Variants in ATP8B1 observed in about 807,000 individuals in gnomAD.
ATP8B1 encodes ATPase phospholipid transporting 8B1, also known as phospholipid-transporting ATPase IC.
A neutral mutation model predicts 149.9 loss-of-function variants in ATP8B1; 80 were observed. That is an observed-to-expected ratio of 0.53 (90% confidence interval 0.45 to 0.64). The LOEUF (loss-of-function observed/expected upper bound fraction) is 0.64. Among genes scored for constraint, ATP8B1 ranks in the 30% least tolerant of loss-of-function variants. The probability of loss-of-function intolerance (pLI) is 0.00; values close to 1 mark genes in which losing one functional copy is unlikely to be tolerated. For synonymous variants in ATP8B1, 536 were observed against 562.8 expected (o/e 0.95, Z 0.67); for missense variants, 1,247 against 1,552.6 (o/e 0.80, Z 3.31).
At chr18:57,744,933 T>C (rs1303097760) in intron 1 of ATP8B1, among the ~76,000 whole-genome samples, 1 of 152,120 alleles carries the variant, frequency 6.6e-6, no homozygotes, top group Non-Finnish European at 1.5e-5. Flanking sequence ...CTTATTTGAA[T>C]GAAAAGGCAG....
At chr18:57,677,236 C>T (rs1432628006) in intron 15 of ATP8B1, among the ~76,000 whole-genome samples, 1 of 152,136 alleles carries the variant, frequency 6.6e-6, no homozygotes, top group African/African-American at 2.4e-5. Flanking sequence ...TCTGGGTGCT[C>T]ATTACAAGAG....
rs975792386 is a variant in ATP8B1, at chr18:57,727,090, TAAAC to T, written c.181+4533_181+4536del. Among the ~76,000 whole-genome samples the T allele has an allele frequency of 4.6e-5, 7 of 151,884 alleles. No homozygotes were observed. In the East Asian group the frequency reaches 5.8e-4, roughly 13 times the overall value. ...AGCGAGATTCTGTCAAATAAATAAA[TAAAC>T]AAATAAATAAAAAGAATAAAATAAA... On this transcript the variant is annotated intron_variant, in intron 2 of 27. Coordinates refer to ENST00000648908, the MANE Select transcript of ATP8B1 (RefSeq NM_001374385.1).
chr18:57,650,013 A>G (rs1387144484), intron 27 of ATP8B1, among the ~76,000 whole-genome samples: 1 of 152,190 alleles, frequency 6.6e-6, no homozygotes, highest in Non-Finnish European at 1.5e-5. Context: ...CTTGTAGCTC[A>G]AAGGATCCTG....
chr18:57,684,943 G>A, intron 14 of ATP8B1, 129 bp downstream of exon 14: 2 of 1,194,808 alleles, frequency 1.7e-6, no homozygotes, highest in Non-Finnish European at 2.5e-6. Flanking sequence ...ACCAAGGACT[G>A]TGGGCAACCA....
intron 1 of ATP8B1, among the ~76,000 whole-genome samples, chr18:57,768,434 A>G (rs1309008377): frequency 1.3e-5 from 2 of 151,164 alleles, no homozygotes; most frequent in African/African-American, 4.8e-5. Context: ...AAGAAAAAAA[A>G]GAATTTTCTT....
At chr18:57,776,461 C>T (rs1471506691) in intron 1 of ATP8B1, among the ~76,000 whole-genome samples, 5 of 152,124 alleles carry the variant, frequency 3.3e-5, no homozygotes, top group East Asian at 1.9e-4. Context: ...AGACAAGTGA[C>T]GGAGGTCTCA....
chr18:57,727,513 G>A (rs1376406933), intron 2 of ATP8B1, among the ~76,000 whole-genome samples: 2 of 152,126 alleles, frequency 1.3e-5, no homozygotes, highest in African/African-American at 2.4e-5. Context: ...CTTTAAGGCC[G>A]GGTGTGGTAG....
chr18:57,751,463 A>AG (rs1419300477), intron 1 of ATP8B1, among the ~76,000 whole-genome samples: 1 of 151,950 alleles, frequency 6.6e-6, no homozygotes, highest in East Asian at 1.9e-4. Flanking sequence ...TGAAAAAAAA[A>AG]AAAAGGGAAT....
At chr18:57,756,226 C>CACATATATAT (rs2080078604) in intron 1 of ATP8B1, among the ~76,000 whole-genome samples, 2 of 112,676 alleles carry the variant, frequency 1.8e-5, no homozygotes, top group Admixed American at 1.8e-4. Context: ...CACACACACA[C>CACATATATAT]ACACACACAC....
Position 57,731,761 on chromosome 18 carries a change from T to C in ATP8B1, c.47A>G (p.Gln16Arg). 1.2e-6 allele frequency: 2 copies of C among 1,614,112 alleles called. No homozygotes were observed. Among genetic ancestry groups the C allele is most frequent in the Non-Finnish European group, 1.7e-6 (2 of 1,179,998 alleles). Residue 16 changes from glutamine (Q) to arginine (R), a missense_variant, in exon 2 of 28, where the codon CAG becomes CGG. Physicochemically the swap from Gln to Arg is conservative, Grantham distance 43. This residue lies in a region of ATP8B1 where 853 missense variants were observed against 1,035.7 expected (regional missense o/e 0.82). Coordinates refer to ENST00000648908, the MANE Select transcript of ATP8B1 (RefSeq NM_001374385.1). ...DSETTFDEDS[Q>R]PNDEVVPYSD... The stretch of plus-strand genomic sequence containing the variant: ...GTAGGGAACCACTTCGTCATTAGGC[T>C]GAGAATCCTCGTCAAATGTCGTTTC...
At chr18:57,756,298 T>TATATATATATAC (rs2080081262) in intron 1 of ATP8B1, among the ~76,000 whole-genome samples, 1 of 98,908 alleles carries the variant, frequency 1.0e-5, no homozygotes, top group Non-Finnish European at 2.1e-5. Flanking sequence ...TGTGTGTGTG[T>TATATATATATAC]ATGTATATAT....
chr18:57,675,909 G>T (rs1394136631), intron 15 of ATP8B1, among the ~76,000 whole-genome samples: 1 of 152,104 alleles, frequency 6.6e-6, no homozygotes, highest in Non-Finnish European at 1.5e-5. Flanking sequence ...GTTTCACCAT[G>T]TTGCTCAGGC....
intron 12 of ATP8B1, 56 bp from the exon 13 acceptor site, chr18:57,688,563 TAG>T: frequency 6.4e-7 from 1 of 1,550,772 alleles, no homozygotes; most frequent in Non-Finnish European, 8.9e-7. Context: ...TGGCAAGTAG[TAG>T]AGATTTTATT....
intron 2 of ATP8B1, among the ~76,000 whole-genome samples, chr18:57,713,126 T>C (rs1305606295): frequency 2.6e-5 from 4 of 152,026 alleles, no homozygotes; most frequent in African/African-American, 9.7e-5. Flanking sequence ...GAAGGAAAAT[T>C]AAAGGGTGCT....
chr18:57,684,107 T>C lies in ATP8B1; in HGVS notation c.1559A>G (p.Lys520Arg). Residue 520 changes from lysine (K) to arginine (R), a missense_variant, in exon 15 of 28, where the codon AAA becomes AGA. Transcript: ENST00000648908. Reference protein sequence around the residue: ...HYLIEQIQSGKEPEVRQFFFL... With the variant: ...HYLIEQIQSGREPEVRQFFFL... ...GAAGAACTGTCGTACTTCTGGCTCT[T>C]TCCCTGACTGGATTTGCTCAATAAG... 6.2e-7 allele frequency: 1 copy of C among 1,614,168 alleles called. No homozygotes were observed. Among genetic ancestry groups the C allele is most frequent in the Non-Finnish European group, 8.5e-7 (1 of 1,180,026 alleles).
intron 1 of ATP8B1, among the ~76,000 whole-genome samples, chr18:57,761,005 A>AATAAAATAAC (rs1170869198): frequency 4.9e-5 from 4 of 82,298 alleles, no homozygotes; most frequent in East Asian, 2.1e-4. Context: ...AATAAAATAA[A>AATAAAATAAC]ATAAAATAAC....
intron 1 of ATP8B1, among the ~76,000 whole-genome samples, chr18:57,801,634 G>T (rs369058220): frequency 2.8e-4 from 43 of 152,018 alleles, no homozygotes; most frequent in African/African-American, 8.4e-4. Context: ...ATCACGCGTG[G>T]TTTTTTTTAG....
intron 2 of ATP8B1, among the ~76,000 whole-genome samples, chr18:57,711,944 G>C (rs1913707726): frequency 6.6e-6 from 1 of 151,908 alleles, no homozygotes; most frequent in Non-Finnish European, 1.5e-5. Flanking sequence ...GGAGAGGCAG[G>C]AAGGAAAACT....
At chr18:57,773,429 A>AG (rs2080281371) in intron 1 of ATP8B1, among the ~76,000 whole-genome samples, 1 of 152,144 alleles carries the variant, frequency 6.6e-6, no homozygotes, top group Admixed American at 6.5e-5. Flanking sequence ...TCATCCGGGC[A>AG]GGGGGTCTGG....
Sources: gnomAD v4.1 joint callset for allele counts (sites outside exome capture counted in the v4.1 genomes callset) on GRCh38, gnomAD v4.1.1 for gene constraint, gnomAD v4.1.1 regional missense constraint, MANE v1.5 for transcripts, NCBI Gene and HGNC (gene_info 2026-07-23, HGNC 2026-07-21) for gene names.